Variants in PPARGC1A observed in about 807,000 individuals in gnomAD.
PPARGC1A encodes peroxisome proliferator-activated receptor gamma coactivator 1-alpha.
In PPARGC1A, 25 loss-of-function variants were observed where a neutral mutation model predicts 88.7. The observed-to-expected ratio is 0.28, with a 90% CI of 0.21 to 0.39. PPARGC1A has a LOEUF of 0.39. Among genes scored for constraint, PPARGC1A ranks in the 10% least tolerant of loss-of-function variants. The pLI, the probability that PPARGC1A is intolerant of heterozygous loss-of-function variation, is 1.00. For synonymous variants in PPARGC1A, 363 were observed against 355.6 expected (o/e 1.02, Z -0.24); for missense variants, 880 against 968.7 (o/e 0.91, Z 1.22).
the PPARGC1A span, among the ~76,000 whole-genome samples, chr4:24,421,476 A>C: frequency 6.6e-6 from 1 of 152,054 alleles, no homozygotes. Context: ...AAGTCCGGCT[A>C]ATTTTTTTGC....
chr4:23,932,517 T>C, the PPARGC1A span, among the ~76,000 whole-genome samples: 8 of 151,994 alleles, frequency 5.3e-5, no homozygotes, highest in Non-Finnish European at 1.0e-4. Context: ...TAGAGAAACA[T>C]TAGCAACTAA....
chr4:24,413,926 A>G, the PPARGC1A span, among the ~76,000 whole-genome samples: 119 of 152,298 alleles, frequency 7.8e-4, no homozygotes, highest in Middle Eastern at 3.4e-3. Flanking sequence ...CAACCCCTTG[A>G]GTCAAGAAAT....
the PPARGC1A span, among the ~76,000 whole-genome samples, chr4:23,920,525 A>G: frequency 1.3e-5 from 2 of 152,206 alleles, no homozygotes; most frequent in Non-Finnish European, 2.9e-5. Context: ...TGAAGGAAGC[A>G]GTAGCCATGA....
the PPARGC1A span, among the ~76,000 whole-genome samples, chr4:24,437,500 G>A: frequency 2.0e-5 from 3 of 152,190 alleles, no homozygotes; most frequent in Non-Finnish European, 4.4e-5. Context: ...CAGGTAGAGA[G>A]GTGCAGGAGA....
At chr4:23,976,743 G>T in the PPARGC1A span, among the ~76,000 whole-genome samples, 5 of 152,158 alleles carry the variant, frequency 3.3e-5, no homozygotes, top group Admixed American at 3.3e-4. Flanking sequence ...CGAGAAGGTG[G>T]CAGCCTGGAA....
chr4:24,088,566 G>C, the PPARGC1A span, among the ~76,000 whole-genome samples: 1 of 152,052 alleles, frequency 6.6e-6, no homozygotes, highest in Non-Finnish European at 1.5e-5. Context: ...CTTTGCCTCT[G>C]TTTCCCTATT....
the PPARGC1A span, among the ~76,000 whole-genome samples, chr4:24,150,645 G>A: frequency 4.9e-4 from 75 of 152,104 alleles, 3 homozygotes; most frequent in Non-Finnish European, 1.2e-4. Flanking sequence ...GCACACAGGA[G>A]ACACACAATA....
the PPARGC1A span, among the ~76,000 whole-genome samples, chr4:24,177,849 A>G: frequency 2.0e-5 from 3 of 152,060 alleles, no homozygotes; most frequent in Admixed American, 2.0e-4. Context: ...TTAATTGCAT[A>G]TGAGAAGTCT....
the PPARGC1A span, among the ~76,000 whole-genome samples, chr4:24,368,242 T>A: frequency 1.3e-5 from 2 of 152,162 alleles, no homozygotes; most frequent in African/African-American, 4.8e-5. Context: ...GCATCAAAAC[T>A]GGACTCCTTC....
the PPARGC1A span, among the ~76,000 whole-genome samples, chr4:24,441,726 G>C: frequency 6.6e-6 from 1 of 152,080 alleles, no homozygotes; most frequent in Non-Finnish European, 1.5e-5. Flanking sequence ...AAGGAAGAAA[G>C]GAGGAAAGGA....
At chr4:23,919,692 T>C in the PPARGC1A span, among the ~76,000 whole-genome samples, 1 of 151,898 alleles carries the variant, frequency 6.6e-6, no homozygotes, top group African/African-American at 2.4e-5. Context: ...CTCTTACTAA[T>C]AGAAAATAGG....
At chr4:23,972,330 A>C in the PPARGC1A span, among the ~76,000 whole-genome samples, 1,982 of 152,304 alleles carry the variant, frequency 0.013, 17 homozygotes, top group Non-Finnish European at 0.02. Context: ...AGTTTCTAAA[A>C]ATAGAAAGAA....
chr4:23,890,602 C>CTTTTTTTTTTTTTT (rs56855205), upstream of PPARGC1A, among the ~76,000 whole-genome samples: 1 of 103,228 alleles, frequency 9.7e-6, no homozygotes, highest in Non-Finnish European at 1.9e-5. Context: ...GCAAACGGGG[C>CTTTTTTTTTTTTTT]TTTTTTTTTT....
At chr4:23,881,667 A>G (rs1715964539) in intron 2 of PPARGC1A, 1 of 152,326 alleles carries the variant, frequency 6.6e-6, no homozygotes, top group East Asian at 1.9e-4. Context: ...TACTTGAGTC[A>G]GGGAAAAGCA....
At chr4:23,956,854 C>T in the PPARGC1A span, among the ~76,000 whole-genome samples, 1 of 152,078 alleles carries the variant, frequency 6.6e-6, no homozygotes, top group African/African-American at 2.4e-5. Context: ...GTAACCATAG[C>T]CACAAAGTCT....
intron 2 of PPARGC1A, among the ~76,000 whole-genome samples, chr4:23,834,328 CAT>C (rs1394263160): frequency 6.6e-6 from 1 of 151,258 alleles, no homozygotes; most frequent in African/African-American, 2.4e-5. Context: ...TACACACACA[CAT>C]ATATATAAAT....
chr4:23,839,795 G>C (rs1726719979), intron 2 of PPARGC1A, among the ~76,000 whole-genome samples: 1 of 61,182 alleles, frequency 1.6e-5, no homozygotes, highest in Non-Finnish European at 3.0e-5. Context: ...GATGGTGTCA[G>C]GCAGAAAAAA....
chr4:23,862,146 G>A (rs1438758392), intron 2 of PPARGC1A, among the ~76,000 whole-genome samples: 1 of 152,200 alleles, frequency 6.6e-6, no homozygotes, highest in East Asian at 1.9e-4. Flanking sequence ...TCTGTGGTCA[G>A]TAGGGCATGA....
the PPARGC1A span, among the ~76,000 whole-genome samples, chr4:24,345,938 C>T: frequency 6.6e-6 from 1 of 152,064 alleles, no homozygotes; most frequent in Non-Finnish European, 1.5e-5. Context: ...GCTTTTATTA[C>T]ATTAAGGTAT....
Sources: allele counts gnomAD v4.1 joint callset (sites outside exome capture counted in the v4.1 genomes callset), GRCh38; gene constraint gnomAD v4.1.1; transcripts MANE v1.5; gene names NCBI Gene and HGNC (gene_info 2026-07-23, HGNC 2026-07-21).